Variants in GFI1B observed in about 807,000 individuals in gnomAD.
GFI1B encodes growth factor independent 1B transcriptional repressor, also known as zinc finger protein Gfi-1b.
GFI1B carries 20 observed loss-of-function variants against 35.3 expected under a neutral mutation model. The observed-to-expected ratio is 0.57, with a 90% CI of 0.40 to 0.82. The LOEUF is 0.82. Among genes scored for constraint, GFI1B ranks in the 40% least tolerant of loss-of-function variants. GFI1B has a pLI of 0.00. For synonymous variants in GFI1B, 178 were observed against 177.6 expected (o/e 1.00, Z -0.02); for missense variants, 430 against 446.3 (o/e 0.96, Z 0.33).
intron 1 of GFI1B, chr9:132,945,708 A>G (rs987824350): frequency 1.0e-4 from 16 of 154,148 alleles, no homozygotes; most frequent in Non-Finnish European, 1.5e-5. Context: ...GTGAAATACT[A>G]GGTCGGTGCA....
intron 1 of GFI1B, among the ~76,000 whole-genome samples, chr9:132,980,068 A>G (rs2132623304): frequency 6.6e-6 from 1 of 152,336 alleles, no homozygotes. Flanking sequence ...GGACAAGAAA[A>G]TGCGTAATTC....
upstream of GFI1B, among the ~76,000 whole-genome samples, chr9:132,976,907 A>G (rs1212073713): frequency 6.6e-6 from 1 of 152,148 alleles, no homozygotes; most frequent in Non-Finnish European, 1.5e-5. Flanking sequence ...GCAACACTGC[A>G]CTCCAGTCTG....
At chr9:132,992,129 G>A (rs763884283), downstream of GFI1B, among the ~76,000 whole-genome samples, 3 of 152,138 alleles carry the variant, frequency 2.0e-5, no homozygotes, top group East Asian at 1.9e-4. Context: ...TCCCAAGGCC[G>A]TCTGTGCCTC....
At chr9:132,981,854 G>A (rs538589398) in intron 1 of GFI1B, among the ~76,000 whole-genome samples, 1 of 152,228 alleles carries the variant, frequency 6.6e-6, no homozygotes, top group African/African-American at 2.4e-5. Context: ...CTGGGTTCAA[G>A]TGATTCTCCA....
chr9:132,951,038 C>T (rs183516907), intron 1 of GFI1B, among the ~76,000 whole-genome samples: 1,858 of 152,112 alleles, frequency 0.012, 31 homozygotes, highest in Non-Finnish European at 0.019. Flanking sequence ...GATAAGGTCT[C>T]ACTTTGTTGC....
At chr9:132,959,379 C>A (rs1848332222) in intron 1 of GFI1B, among the ~76,000 whole-genome samples, 1 of 152,136 alleles carries the variant, frequency 6.6e-6, no homozygotes, top group Non-Finnish European at 1.5e-5. Flanking sequence ...TTCCTGAGGC[C>A]CTCCCAGCCC....
chr9:132,987,122 G>A (rs1398399947), intron 2 of GFI1B, among the ~76,000 whole-genome samples, 160 bp from the exon 3 acceptor site: 3 of 152,154 alleles, frequency 2.0e-5, no homozygotes, highest in Admixed American at 1.3e-4. Flanking sequence ...TCTTGCCGCC[G>A]CCTGCTCTGG....
chr9:132,981,641 A>G (rs1461023160), intron 1 of GFI1B, among the ~76,000 whole-genome samples: 1 of 151,980 alleles, frequency 6.6e-6, no homozygotes, highest in East Asian at 1.9e-4. Context: ...CTGTCTCAAA[A>G]TAATAATAAT....
intron 1 of GFI1B, among the ~76,000 whole-genome samples, chr9:132,964,476 C>CAACGG (rs1848418298): frequency 6.6e-6 from 1 of 151,836 alleles, no homozygotes; most frequent in African/African-American, 2.4e-5. Context: ...AATCAATTTT[C>CAACGG]AGCCACTTGT....
intron 1 of GFI1B, among the ~76,000 whole-genome samples, chr9:132,959,195 G>A (rs1848328447): frequency 6.6e-6 from 1 of 152,126 alleles, no homozygotes. Flanking sequence ...GAAACTGGGG[G>A]AGGTAATTGA....
rs1359532487 is a variant in GFI1B at position 132,947,827 on chromosome 9, AAAACT to A, written c.-701+2167_-701+2171del. ...TGGTCTCCAAAAAAAAAAAAAAAAAAAAACTAAACTAAAGTGACATACAGGAATCA... is the reference window on the plus strand; with the variant it reads ...TGGTCTCCAAAAAAAAAAAAAAAAAAAAACTAAAGTGACATACAGGAATCA... On this transcript the variant is annotated intron_variant, in intron 1 of 10. Coordinates refer to the GFI1B transcript ENST00000339463. Among the ~76,000 whole-genome samples, 679 of 134,846 alleles carry A rather than the reference AAAACT, an allele frequency of 5.0e-3. 5 individuals carry two copies. Among genetic ancestry groups the A allele is most frequent in the African/African-American group, 0.018 (641 of 35,854 alleles). The allele number at this position is 134,846 out of a possible 152,430, so 88.5% of individuals were successfully genotyped here.
upstream of GFI1B, among the ~76,000 whole-genome samples, chr9:132,973,861 A>G (rs6597589): frequency 0.38 from 58,298 of 152,020 alleles, 11,376 homozygotes; most frequent in South Asian, 0.5. Context: ...AAGCAACCTC[A>G]TGGTTTTGGC....
chr9:132,981,024 T>C (rs1848804567), intron 1 of GFI1B, among the ~76,000 whole-genome samples: 1 of 152,110 alleles, frequency 6.6e-6, no homozygotes, highest in Admixed American at 6.6e-5. Context: ...GCCTCCTGGG[T>C]AGCTGGGATT....
chr9:132,967,151 C>G (rs936617696), intron 1 of GFI1B, among the ~76,000 whole-genome samples: 1 of 152,198 alleles, frequency 6.6e-6, no homozygotes, highest in South Asian at 2.1e-4. Context: ...GTCTTCGGTG[C>G]TTGCCTGCCC....
chr9:132,948,431 A>G (rs765679453), intron 1 of GFI1B, among the ~76,000 whole-genome samples: 3 of 152,186 alleles, frequency 2.0e-5, no homozygotes, highest in Non-Finnish European at 2.9e-5. Context: ...ATTTTGGCCA[A>G]TGCTAGTTTC....
chr9:132,982,702 T>TAA (rs8192998), intron 1 of GFI1B, among the ~76,000 whole-genome samples: 5 of 146,272 alleles, frequency 3.4e-5, no homozygotes, highest in East Asian at 2.1e-4. Flanking sequence ...GTTTTTTCTT[T>TAA]AAAAAAAAAA....
intron 1 of GFI1B, among the ~76,000 whole-genome samples, chr9:132,964,536 C>A (rs1848419277): frequency 6.6e-6 from 1 of 152,136 alleles, no homozygotes; most frequent in African/African-American, 2.4e-5. Context: ...CGGGCGGGTT[C>A]TCATGCATCA....
At chr9:132,970,168 G>A (rs184390732) in intron 1 of GFI1B, among the ~76,000 whole-genome samples, 6 of 152,266 alleles carry the variant, frequency 3.9e-5, no homozygotes, top group Admixed American at 3.3e-4. Context: ...TTCCCACAGT[G>A]CTCTTCATTT....
chr9:132,990,580 C>A (rs777357781), intron 6 of GFI1B, among the ~76,000 whole-genome samples: 3 of 152,246 alleles, frequency 2.0e-5, no homozygotes, highest in Non-Finnish European at 4.4e-5. Context: ...TTGCTATTAG[C>A]TGAGTGCCTC....
Sources: allele counts gnomAD v4.1 joint callset (sites outside exome capture counted in the v4.1 genomes callset), GRCh38; gene constraint gnomAD v4.1.1; transcripts MANE v1.5; gene names NCBI Gene and HGNC (gene_info 2026-07-23, HGNC 2026-07-21).